Variants in JAKMIP2 observed in about 807,000 individuals in gnomAD.
The protein encoded by JAKMIP2 is janus kinase and microtubule-interacting protein 2.
JAKMIP2 carries 25 observed loss-of-function variants against 115.0 expected under a neutral mutation model. That is an observed-to-expected ratio of 0.22 (90% CI 0.16 to 0.30). The LOEUF (loss-of-function observed/expected upper bound fraction) is 0.30, where lower values mean the gene tolerates loss of function less well. JAKMIP2 is among the 10% of genes least tolerant of loss of function. The pLI, the probability that JAKMIP2 is intolerant of heterozygous loss-of-function variation, is 1.00. For missense variants in JAKMIP2, 642 were observed against 957.6 expected (o/e 0.67, Z 4.35); for synonymous variants, 334 against 343.6 (o/e 0.97, Z 0.31).
chr5:147,594,946 C>G (rs758428394), intron 21 of JAKMIP2, among the ~76,000 whole-genome samples: 1 of 152,026 alleles, frequency 6.6e-6, no homozygotes, highest in Non-Finnish European at 1.5e-5. Flanking sequence ...TCAGGGAAAG[C>G]TTCCCTGATT....
At chr5:147,735,616 C>T (rs898919608) in intron 1 of JAKMIP2, among the ~76,000 whole-genome samples, 1 of 152,260 alleles carries the variant, frequency 6.6e-6, no homozygotes, top group South Asian at 2.1e-4. Flanking sequence ...TATTACAATT[C>T]AAGGTGAGAT....
intron 1 of JAKMIP2, among the ~76,000 whole-genome samples, chr5:147,678,781 C>T (rs940769110): frequency 6.6e-6 from 1 of 151,752 alleles, no homozygotes; most frequent in Non-Finnish European, 1.5e-5. Context: ...ATCTTATGTA[C>T]TTCATTTATG....
chr5:147,765,639 C>T (rs189061901), intron 1 of JAKMIP2, among the ~76,000 whole-genome samples: 193 of 152,228 alleles, frequency 1.3e-3, no homozygotes, highest in African/African-American at 4.5e-3. Context: ...GTAAAGACAA[C>T]TTCTTGAAAT....
At chr5:147,652,666 T>C (rs1323564160) in intron 3 of JAKMIP2, among the ~76,000 whole-genome samples, 1 of 152,184 alleles carries the variant, frequency 6.6e-6, no homozygotes, top group Non-Finnish European at 1.5e-5. Flanking sequence ...GAACTACTCA[T>C]AAGGTGGCTC....
chr5:147,602,973 T>G (rs1755787158), intron 20 of JAKMIP2, among the ~76,000 whole-genome samples: 1 of 152,212 alleles, frequency 6.6e-6, no homozygotes, highest in African/African-American at 2.4e-5. Context: ...CTGTTGCTTT[T>G]CTTCATTCCT....
intron 1 of JAKMIP2, among the ~76,000 whole-genome samples, chr5:147,726,669 C>T (rs1290355999): frequency 6.6e-6 from 1 of 152,140 alleles, no homozygotes; most frequent in Non-Finnish European, 1.5e-5. Flanking sequence ...ACCCCATAAG[C>T]CCACTGTTAA....
intron 21 of JAKMIP2, among the ~76,000 whole-genome samples, chr5:147,593,068 T>A (rs1755177707): frequency 1.3e-5 from 2 of 152,210 alleles, no homozygotes; most frequent in Non-Finnish European, 2.9e-5. Flanking sequence ...TGCCTCCTAT[T>A]GCTCAGACAT....
At chr5:147,723,562 A>G (rs995650320) in intron 1 of JAKMIP2, among the ~76,000 whole-genome samples, 1 of 152,150 alleles carries the variant, frequency 6.6e-6, no homozygotes, top group African/African-American at 2.4e-5. Context: ...ATCAAAGGCA[A>G]TTTTTTAGAA....
intron 4 of JAKMIP2, among the ~76,000 whole-genome samples, chr5:147,649,590 G>C (rs2126743823): frequency 6.6e-6 from 1 of 152,064 alleles, no homozygotes; most frequent in East Asian, 1.9e-4. Context: ...AAAACTTACA[G>C]AAACTGCTAA....
Position 147,636,987 on chromosome 5 carries a change from G to A in JAKMIP2, c.1592C>T (p.Ala531Val), listed in dbSNP as rs143339094. 33 of 872,806 alleles carry A rather than the reference G, an allele frequency of 3.8e-5. No individual in the cohort carries two copies. Among genetic ancestry groups the A allele is most frequent in the African/African-American group, 2.3e-4 (14 of 61,300 alleles). 54.1% of individuals were successfully genotyped at this position (872,806 alleles called of 1,614,324 possible). Residue 531 changes from alanine (A) to valine (V), a missense_variant, in exon 11 of 22, where the codon GCG becomes GTG. Around this residue, in one of 6 missense-constraint regions of JAKMIP2, gnomAD observed 103 missense variants for 177.6 expected, o/e 0.58. Coordinates refer to ENST00000616793, the MANE Select transcript of JAKMIP2 (RefSeq NM_001270941.2). ...RYKAKIEDLEATLAQKGQDSH... is the reference protein window; with the variant it reads ...RYKAKIEDLEVTLAQKGQDSH... ...TACCTGCCCTTTCTGAGCCAGAGTC[G>A]CTTCCAGGTCTTCAATTTTGGCTTT...
intron 1 of JAKMIP2, among the ~76,000 whole-genome samples, chr5:147,763,816 T>C (rs376546235): frequency 2.0e-5 from 3 of 152,106 alleles, no homozygotes; most frequent in East Asian, 3.9e-4. Flanking sequence ...GGGAAGGCCA[T>C]TTAAAAGCAA....
intron 1 of JAKMIP2, among the ~76,000 whole-genome samples, chr5:147,776,073 T>C (rs1284673769): frequency 1.3e-5 from 2 of 152,186 alleles, no homozygotes; most frequent in Admixed American, 1.3e-4. Context: ...ACCATTCATA[T>C]TTAAAAAAGA....
At chr5:147,690,046 C>T (rs1028156174) in intron 1 of JAKMIP2, among the ~76,000 whole-genome samples, 41 of 152,144 alleles carry the variant, frequency 2.7e-4, no homozygotes, top group Non-Finnish European at 8.8e-5. Flanking sequence ...AATGCACTGT[C>T]CATGTAAAGG....
chr5:147,683,759 T>C (rs1037895919), intron 1 of JAKMIP2, among the ~76,000 whole-genome samples: 4 of 152,112 alleles, frequency 2.6e-5, no homozygotes, highest in Non-Finnish European at 4.4e-5. Context: ...TGTCTATATA[T>C]AGGAGAATAA....
rs1394243394 is a variant in JAKMIP2, at chr5:147,591,635, A to G, written c.*72T>C. The G allele has an allele frequency of 6.3e-7, 1 of 1,584,052 alleles. No homozygotes were observed. The highest frequency in any genetic ancestry group is 1.1e-5 in the South Asian group (1 of 87,746). On this transcript the variant is annotated 3_prime_UTR_variant, in exon 22 of 22. Transcript: ENST00000616793. Reference sequence around the variant, plus strand: ...GGTGTAAACAATTTTGCCATCTTTGAAGGTTTAGAAGCACTTGTCTTCCTG... The same window carrying G: ...GGTGTAAACAATTTTGCCATCTTTGGAGGTTTAGAAGCACTTGTCTTCCTG...
At chr5:147,603,969 C>A (rs545790180) in intron 20 of JAKMIP2, among the ~76,000 whole-genome samples, 3 of 151,892 alleles carry the variant, frequency 2.0e-5, no homozygotes, top group Admixed American at 1.3e-4. Context: ...TGGGTATCAT[C>A]GAGTTTTGGG....
intron 1 of JAKMIP2, among the ~76,000 whole-genome samples, chr5:147,728,118 G>A (rs573421145): frequency 6.6e-6 from 1 of 152,178 alleles, no homozygotes; most frequent in Non-Finnish European, 1.5e-5. Flanking sequence ...TTCGCAGTAT[G>A]TGAGAATTTT....
At chr5:147,624,744 C>A (rs1328569900) in intron 16 of JAKMIP2, among the ~76,000 whole-genome samples, 3 of 152,078 alleles carry the variant, frequency 2.0e-5, no homozygotes, top group Non-Finnish European at 4.4e-5. Flanking sequence ...AGCAATTGGG[C>A]ATAATAATTA....
chr5:147,733,935 G>T (rs1753825709), intron 1 of JAKMIP2, among the ~76,000 whole-genome samples: 3 of 152,094 alleles, frequency 2.0e-5, no homozygotes, highest in Admixed American at 2.0e-4. Context: ...ATGTGTGCAG[G>T]TGTCTTTATA....
Sources: gnomAD v4.1 joint callset for allele counts (sites outside exome capture counted in the v4.1 genomes callset) on GRCh38, gnomAD v4.1.1 for gene constraint, gnomAD v4.1.1 regional missense constraint, MANE v1.5 for transcripts, NCBI Gene and HGNC (gene_info 2026-07-23, HGNC 2026-07-21) for gene names.